ZNF792: variants seen among roughly 807,000 people sequenced by gnomAD.
ZNF792 encodes the protein zinc finger protein 792.
Under a neutral mutation model 13.1 loss-of-function variants are expected in ZNF792, and 14 were observed. The ratio of observed to expected loss-of-function variants is 1.07; its 90% confidence interval spans 0.71 to 1.67. The LOEUF is 1.67. Ranked by LOEUF, ZNF792 falls within the 40% of genes most tolerant of loss-of-function variation. The pLI is 0.00. For synonymous variants in ZNF792, 257 were observed against 292.0 expected, an observed-to-expected ratio of 0.88 and a Z score of 1.22; for missense variants, 740 against 807.9, an observed-to-expected ratio of 0.92 and a Z score of 1.02.
rs1008006343 is a variant in ZNF792 at position 34,963,720 on chromosome 19, G to A, written c.-58C>T. On this transcript the variant is annotated 5_prime_UTR_variant, in exon 1 of 4. Transcript: ENST00000404801. ...GCGGGAAACCACGGGGCGGGGGTAG[G>A]GGGTCTCGCAGGCTGAGGCTACCAC... is the stretch of plus-strand genomic sequence containing the variant. 24 of 1,512,696 alleles carry A rather than the reference G, an allele frequency of 1.6e-5. No homozygotes were observed. Among genetic ancestry groups the A allele is most frequent in the East Asian group, 9.7e-5 (4 of 41,360 alleles). 93.7% of individuals were successfully genotyped at this position (1,512,696 alleles called of 1,614,324 possible).
rs903215986 is a variant in ZNF792, at chr19:34,963,629, C to A, written c.33+1G>T. ...GAAGGGCCTAACGTCCAAGCACTCACCTGCGCGGGGTCCCGCAGCGCCGCC... is the reference window on the plus strand; with the variant it reads ...GAAGGGCCTAACGTCCAAGCACTCAACTGCGCGGGGTCCCGCAGCGCCGCC... On this transcript the variant is annotated splice_donor_variant, in intron 1 of 3. Transcript: ENST00000404801. LOFTEE classifies it high-confidence loss of function. 2.5e-6 allele frequency: 4 copies of A among 1,603,600 alleles called. No individual in the cohort carries two copies. The highest frequency in any genetic ancestry group is 3.4e-6 in the Non-Finnish European group (4 of 1,175,998).
chr19:34,963,279 A>G (rs555445477), intron 1 of ZNF792, among the ~76,000 whole-genome samples: 6 of 152,154 alleles, frequency 3.9e-5, no homozygotes, highest in African/African-American at 1.4e-4. Context: ...TGGTTCCAGC[A>G]GACATAATAT....
At position 34,959,309 on chromosome 19, in the gene ZNF792, C is replaced by G; in HGVS notation, c.546G>C (p.Gln182His). The change falls in exon 4 of 4, where the codon CAG (glutamine) becomes CAC (histidine). Residue 182 changes from glutamine (Q) to histidine (H), a missense_variant. Physicochemically the swap from Gln to His is conservative, Grantham distance 24. Transcript: ENST00000404801. ...SANLPRKQVQQNVHNPIRTEE... is the reference protein window; with the variant it reads ...SANLPRKQVQHNVHNPIRTEE... ...CCGTTCTGATAGGGTTGTGTACGTT[C>G]TGCTGCACCTGTTTCCGGGGAAGGT... is the stretch of plus-strand genomic sequence containing the variant. 2 of 1,614,066 alleles carry G rather than the reference C, an allele frequency of 1.2e-6. No homozygotes were observed. The highest frequency in any genetic ancestry group is 1.6e-4 in the Middle Eastern group (1 of 6,062).
chr19:34,958,618 A>T lies in ZNF792; in HGVS notation c.1237T>A (p.Trp413Arg), dbSNP rs2013474096. ...FNCNSSLIKH[W>R]RVHTGERPYK... is the part of the protein sequence containing the mutation. The stretch of plus-strand genomic sequence containing the variant: ...GGTCTTTCTCCAGTGTGAACTCTCC[A>T]ATGTTTAATTAGGCTGGAGTTGCAG... The change falls in exon 4 of 4, where the codon TGG becomes AGG. Residue 413 changes from tryptophan to arginine, a missense_variant. Coordinates refer to ENST00000404801, the MANE Select transcript of ZNF792 (RefSeq NM_175872.5). 1 of 1,612,852 alleles carries T rather than the reference A, an allele frequency of 6.2e-7. No homozygotes were observed. The highest frequency in any genetic ancestry group is 2.2e-5 in the East Asian group (1 of 44,868).
intron 1 of ZNF792, among the ~76,000 whole-genome samples, chr19:34,962,603 C>G (rs2013544947): frequency 4.6e-5 from 7 of 152,156 alleles, no homozygotes; most frequent in Admixed American, 4.6e-4. Context: ...TCCTGTGGGT[C>G]TGACAGACAG....
intron 1 of ZNF792, 108 bp from the exon 2 acceptor site, chr19:34,961,102 G>A: frequency 6.7e-7 from 1 of 1,485,272 alleles, no homozygotes; most frequent in Non-Finnish European, 9.1e-7. Flanking sequence ...GGAGGTAGCA[G>A]GCCCTGGTTC....
chr19:34,958,903 AT>A lies in ZNF792; in HGVS notation c.951del (p.Lys317AsnfsTer93). 1 of 1,613,894 alleles carries A rather than the reference AT, an allele frequency of 6.2e-7. No individual in the cohort carries two copies. The highest frequency in any genetic ancestry group is 8.5e-7 in the Non-Finnish European group (1 of 1,179,826). Reference sequence around the variant, plus strand: ...ACAAGGCTGGAGTGCTGGCTGAAGAATTTTCCACATTCACAGCACTCATACG... The same window carrying A: ...ACAAGGCTGGAGTGCTGGCTGAAGAATTTCCACATTCACAGCACTCATACG... ...GKPYECCECG[K>X]FFSQHSSLVK... is the part of the protein sequence containing the mutation. On this transcript the variant is annotated frameshift_variant, in exon 4 of 4. Coordinates refer to ENST00000404801, the MANE Select transcript of ZNF792 (RefSeq NM_175872.5). LOFTEE classifies it low-confidence loss of function (END_TRUNC).
Position 34,963,739 on chromosome 19 carries a change from C to G in ZNF792, c.-77G>C. ...GGGTAGGGGGTCTCGCAGGCTGAGG[C>G]TACCACCCACCTGGCCGTGCCCCAG... is the stretch of plus-strand genomic sequence containing the variant. On this transcript the variant is annotated 5_prime_UTR_variant, in exon 1 of 4. Coordinates refer to ENST00000404801, the MANE Select transcript of ZNF792 (RefSeq NM_175872.5). 6.9e-7 allele frequency: 1 copy of G among 1,441,076 alleles called. No homozygotes were observed. Among genetic ancestry groups the G allele is most frequent in the Non-Finnish European group, 9.3e-7 (1 of 1,080,310 alleles). The allele number at this position is 1,441,076 out of a possible 1,614,324, so 89.3% of individuals were successfully genotyped here. A position where few individuals can be genotyped will look rare whatever the true frequency, so the allele number is the denominator to read the frequency against.
In ZNF792 at chr19:34,963,766, C is replaced by G; in HGVS notation, c.-104G>C. On this transcript the variant is annotated 5_prime_UTR_variant, in exon 1 of 4. Transcript: ENST00000404801. ...ACCACCCACCTGGCCGTGCCCCAGA[C>G]GAGGTGTGACCCCGGGCTGAGGGTC... is the stretch of plus-strand genomic sequence containing the variant. 1 of 1,289,264 alleles carries G rather than the reference C, an allele frequency of 7.8e-7. No individual in the cohort carries two copies. Among genetic ancestry groups the G allele is most frequent in the South Asian group, 1.5e-5 (1 of 66,714 alleles). The allele number at this position is 1,289,264 out of a possible 1,614,324, so 79.9% of individuals were successfully genotyped here.
chr19:34,963,399 G>C (rs144208658), intron 1 of ZNF792, among the ~76,000 whole-genome samples: 1 of 151,976 alleles, frequency 6.6e-6, no homozygotes, highest in East Asian at 1.9e-4. Context: ...TGCCTACAAA[G>C]CCCTTTCTCC....
In ZNF792 at chr19:34,957,775, G is replaced by C; in HGVS notation, c.*181C>G. 1 of 601,358 alleles carries C rather than the reference G, an allele frequency of 1.7e-6. No homozygotes were observed. Among genetic ancestry groups the C allele is most frequent in the Middle Eastern group, 4.5e-4 (1 of 2,238 alleles). The allele number at this position is 601,358 out of a possible 1,614,324, so 37.3% of individuals were successfully genotyped here. On this transcript the variant is annotated 3_prime_UTR_variant, in exon 4 of 4. Transcript: ENST00000404801. ...CCTAATTCCCTTTAGGGATTGGAAA[G>C]AGAGAGGAGAGGTCTGCCTTCCCTG...
chr19:34,960,670 A>G (rs2013514235), intron 2 of ZNF792, 198 bp downstream of exon 2: 3 of 831,228 alleles, frequency 3.6e-6, no homozygotes, highest in Non-Finnish European at 5.5e-6. Flanking sequence ...GGCTTCAGGC[A>G]GCAGGTGTGG....
At chr19:34,959,893 C>A (rs2013500231) in intron 3 of ZNF792, among the ~76,000 whole-genome samples, 1 of 152,158 alleles carries the variant, frequency 6.6e-6, no homozygotes, top group South Asian at 2.1e-4. Flanking sequence ...GCAGTGAGAG[C>A]ATCTAGACCC....
In ZNF792 at chr19:34,958,471, T is replaced by A. The variant is rs1282305608; in HGVS notation, c.1384A>T (p.Ser462Cys). The A allele has an allele frequency of 6.2e-7, 1 of 1,600,460 alleles. No individual in the cohort carries two copies. The highest frequency in any genetic ancestry group is 8.5e-7 in the Non-Finnish European group (1 of 1,172,252). ...CGCTGATGTTTCATGAGGTCAGAGCTTCGGCTGAAGGCTTTCCCACACTCA... is the reference window on the plus strand; with the variant it reads ...CGCTGATGTTTCATGAGGTCAGAGCATCGGCTGAAGGCTTTCCCACACTCA... ...CGECGKAFSRSSDLMKHQRVH... is the reference protein window; with the variant it reads ...CGECGKAFSRCSDLMKHQRVH... The change falls in exon 4 of 4, where the codon AGC becomes TGC. Residue 462 changes from serine (S) to cysteine (C), a missense_variant. Ser to Cys is a moderately radical substitution (Grantham distance 112). Transcript: ENST00000404801.
Position 34,959,398 on chromosome 19 carries a change from T to C in ZNF792, c.457A>G (p.Thr153Ala), listed in dbSNP as rs1414506474. 5 of 1,614,006 alleles carry C rather than the reference T, an allele frequency of 3.1e-6. No homozygotes were observed. The highest frequency in any genetic ancestry group is 4.2e-6 in the Non-Finnish European group (5 of 1,179,972). ...DILHLAEHQTTHPRQKPFVCE... is the reference protein window; with the variant it reads ...DILHLAEHQTAHPRQKPFVCE... Reference sequence around the variant, plus strand: ...ACAAATGGTTTCTGCCTGGGATGTGTTGTCTGGTGTTCAGCCAAATGCAAA... The same window carrying C: ...ACAAATGGTTTCTGCCTGGGATGTGCTGTCTGGTGTTCAGCCAAATGCAAA... The change falls in exon 4 of 4, where the codon ACA (threonine) becomes GCA (alanine). Residue 153 changes from threonine (T) to alanine (A), a missense_variant. Transcript: ENST00000404801.
At position 34,959,264 on chromosome 19, in the gene ZNF792, A is replaced by G. The variant is rs762897035; in HGVS notation, c.591T>C (p.Pro197=). Residue 197 remains proline, a synonymous_variant, in exon 4 of 4, where the codon CCT becomes CCC. Coordinates refer to ENST00000404801, the MANE Select transcript of ZNF792 (RefSeq NM_175872.5). ...ATGTGTGGTCTCTGCAGGTCTTTAC[A>G]GGGGAAGCCTGGCCCTCCTCCGTTC... ...PIRTEEGQAS[P]VKTCRDHTSD... is the part of the protein sequence containing the mutation. 2.5e-6 allele frequency: 4 copies of G among 1,613,884 alleles called. No homozygotes were observed. The highest frequency in any genetic ancestry group is 3.4e-6 in the Non-Finnish European group (4 of 1,179,908).
At chr19:34,962,471 A>G (rs749369146) in intron 1 of ZNF792, among the ~76,000 whole-genome samples, 11 of 152,278 alleles carry the variant, frequency 7.2e-5, no homozygotes, top group Non-Finnish European at 1.6e-4. Context: ...CTTAAATCAG[A>G]AGCAGGAGCA....
chr19:34,962,737 C>T (rs2013546257), intron 1 of ZNF792, among the ~76,000 whole-genome samples: 1 of 152,028 alleles, frequency 6.6e-6, no homozygotes, highest in African/African-American at 2.4e-5. Flanking sequence ...AATATCCAGT[C>T]TCTCATTACC....
Position 34,958,034 on chromosome 19 carries a change from C to G in ZNF792, c.1821G>C (p.Glu607Asp). Reference protein sequence around the residue: ...CSQHTPEISSENRPYQGAVNY... With the variant: ...CSQHTPEISSDNRPYQGAVNY... ...TGACAGCGCCCTGATAAGGTCTGTTCTCAGAGCTTATCTCTGGTGTGTGCT... is the reference window on the plus strand; with the variant it reads ...TGACAGCGCCCTGATAAGGTCTGTTGTCAGAGCTTATCTCTGGTGTGTGCT... The change falls in exon 4 of 4, where the codon GAG becomes GAC. Residue 607 changes from glutamate to aspartate, a missense_variant. Physicochemically the swap from Glu to Asp is conservative, Grantham distance 45. Transcript: ENST00000404801. 1 of 1,613,030 alleles carries G rather than the reference C, an allele frequency of 6.2e-7. No individual in the cohort carries two copies.
Sources: gnomAD v4.1 joint callset for allele counts (sites outside exome capture counted in the v4.1 genomes callset) on GRCh38, gnomAD v4.1.1 for gene constraint, MANE v1.5 for transcripts, NCBI Gene and HGNC (gene_info 2026-07-23, HGNC 2026-07-21) for gene names.